Variants in DLGAP1 observed in about 807,000 individuals in gnomAD.
The protein encoded by DLGAP1 is DLG associated protein 1.
A neutral mutation model predicts 90.8 loss-of-function variants in DLGAP1; 11 were observed. That is an observed-to-expected ratio of 0.12 (90% CI 0.08 to 0.20). The LOEUF is 0.20. Ranked by LOEUF, DLGAP1 falls within the 10% of genes least tolerant of loss-of-function variation. DLGAP1 has a pLI of 1.00. For synonymous variants in DLGAP1, 558 were observed against 540.7 expected, an observed-to-expected ratio of 1.03 and a Z score of -0.44; for missense variants, 1,050 against 1,333.8, an observed-to-expected ratio of 0.79 and a Z score of 3.31.
intron 4 of DLGAP1, chr18:3,878,417 T>A (rs1363210390): frequency 6.6e-6 from 1 of 152,142 alleles, no homozygotes; most frequent in Non-Finnish European, 1.5e-5. Flanking sequence ...TGTAAGTGTG[T>A]GGGATTTACA....
intron 1 of DLGAP1, among the ~76,000 whole-genome samples, chr18:4,329,848 T>C (rs1428929622): frequency 1.3e-5 from 2 of 152,048 alleles, no homozygotes; most frequent in Admixed American, 1.3e-4. Context: ...TCTTTTGTTA[T>C]AATGTCTTTG....
At chr18:3,588,509 C>A (rs1183883970) in intron 7 of DLGAP1, among the ~76,000 whole-genome samples, 1 of 151,398 alleles carries the variant, frequency 6.6e-6, no homozygotes, top group South Asian at 2.1e-4. Context: ...CGGCAGAGTG[C>A]GGTGGCTCGC....
At chr18:3,522,223 G>A (rs377161021) in intron 10 of DLGAP1, among the ~76,000 whole-genome samples, 27 of 135,388 alleles carry the variant, frequency 2.0e-4, no homozygotes, top group East Asian at 9.9e-4. Context: ...TGCAACCTCC[G>A]CCTCCCGGAT....
At chr18:3,891,504 C>T (rs892628279) in intron 3 of DLGAP1, among the ~76,000 whole-genome samples, 1 of 152,192 alleles carries the variant, frequency 6.6e-6, no homozygotes, top group Non-Finnish European at 1.5e-5. Flanking sequence ...TCTGTTCCAG[C>T]TGCCCTAAGC....
At chr18:4,121,795 G>A (rs995371225) in intron 2 of DLGAP1, among the ~76,000 whole-genome samples, 1 of 152,138 alleles carries the variant, frequency 6.6e-6, no homozygotes, top group Non-Finnish European at 1.5e-5. Flanking sequence ...GCTTTAACAA[G>A]TACCATTGAA....
chr18:3,745,537 G>A (rs915839755), intron 5 of DLGAP1, among the ~76,000 whole-genome samples: 1 of 152,164 alleles, frequency 6.6e-6, no homozygotes, highest in Non-Finnish European at 1.5e-5. Context: ...TGGTAGTAGA[G>A]AGGAAGAGAT....
intron 1 of DLGAP1, among the ~76,000 whole-genome samples, chr18:4,349,509 C>T (rs183352646): frequency 6.6e-5 from 10 of 150,990 alleles, no homozygotes; most frequent in Non-Finnish European, 8.9e-5. Flanking sequence ...AATAGGAGAA[C>T]GGGGAGATGT....
chr18:3,767,790 T>C (rs1011996190), intron 5 of DLGAP1, among the ~76,000 whole-genome samples: 13 of 152,018 alleles, frequency 8.6e-5, no homozygotes, highest in African/African-American at 2.9e-4. Context: ...ATAAGGAACA[T>C]CTAAAAAGAT....
chr18:4,134,406 C>T lies in DLGAP1; in HGVS notation c.-159+16774G>A, dbSNP rs182941480. 2.5e-3 allele frequency among the ~76,000 whole-genome samples: 376 copies of T among 152,148 alleles called. 1 individual carries two copies. Among genetic ancestry groups the T allele is most frequent in the African/African-American group, 8.5e-3 (354 of 41,498 alleles). On this transcript the variant is annotated intron_variant, in intron 2 of 12. Transcript: ENST00000315677. The stretch of plus-strand genomic sequence containing the variant: ...ACTTTAGGTCTCCAGTTTACCTGCA[C>T]CTTCCCCTATATTCAAACTAGGCAG...
Position 4,204,531 on chromosome 18 carries a change from T to TTTTTG in DLGAP1, c.-266-53245_-266-53244insCAAAA, listed in dbSNP as rs1568449441. 4.8e-4 allele frequency among the ~76,000 whole-genome samples: 72 copies of TTTTTG among 151,066 alleles called. 1 individual carries two copies. Among genetic ancestry groups the TTTTTG allele is most frequent in the African/African-American group, 1.7e-3 (68 of 40,752 alleles). On this transcript the variant is annotated intron_variant, in intron 1 of 12. Transcript: ENST00000315677. ...TGGTTTTTTTTTTGTTTTTGTTTTT[T>TTTTTG]TTTCTGACCGCAGTGCATCACATTA...
At chr18:3,704,628 C>T (rs237061) in intron 7 of DLGAP1, among the ~76,000 whole-genome samples, 205 of 151,420 alleles carry the variant, frequency 1.4e-3, no homozygotes, top group African/African-American at 4.7e-3. Flanking sequence ...GAGAAATGGT[C>T]ATTTTGGGGG....
At chr18:3,939,160 T>C (rs994447264) in intron 3 of DLGAP1, among the ~76,000 whole-genome samples, 2 of 112,450 alleles carry the variant, frequency 1.8e-5, no homozygotes, top group African/African-American at 7.7e-5. Context: ...TGGTGGCTCA[T>C]GCCTGCAATC....
At chr18:4,016,052 A>C (rs1383549726) in intron 2 of DLGAP1, among the ~76,000 whole-genome samples, 1 of 152,228 alleles carries the variant, frequency 6.6e-6, no homozygotes, top group African/African-American at 2.4e-5. Flanking sequence ...CTGAAGAGTA[A>C]TGAACACATG....
chr18:4,117,358 T>C (rs912887650), intron 2 of DLGAP1, among the ~76,000 whole-genome samples: 3 of 152,374 alleles, frequency 2.0e-5, no homozygotes, highest in Middle Eastern at 6.8e-3. Flanking sequence ...AATTGTTTCA[T>C]TGAAAACTGG....
At chr18:4,380,858 A>T (rs534332325) in intron 1 of DLGAP1, among the ~76,000 whole-genome samples, 1 of 152,196 alleles carries the variant, frequency 6.6e-6, no homozygotes, top group Non-Finnish European at 1.5e-5. Flanking sequence ...ATGTTCCAGA[A>T]GGCAGCTTAA....
chr18:4,325,050 T>C (rs2080785642), intron 1 of DLGAP1, among the ~76,000 whole-genome samples: 2 of 151,986 alleles, frequency 1.3e-5, no homozygotes, highest in African/African-American at 4.8e-5. Flanking sequence ...GAAATCCAAA[T>C]AGGAAGAGAG....
intron 1 of DLGAP1, among the ~76,000 whole-genome samples, chr18:4,284,802 C>G (rs908932317): frequency 6.6e-6 from 1 of 152,122 alleles, no homozygotes; most frequent in African/African-American, 2.4e-5. Flanking sequence ...TCAAAAGAAG[C>G]TAATAAAATA....
intron 3 of DLGAP1, among the ~76,000 whole-genome samples, chr18:3,991,478 CTTGGGG>C (rs1339095499): frequency 6.6e-6 from 1 of 152,124 alleles, no homozygotes; most frequent in Non-Finnish European, 1.5e-5. Context: ...TGGTGGGAAC[CTTGGGG>C]TTAGCATCCT....
intron 10 of DLGAP1, among the ~76,000 whole-genome samples, chr18:3,524,134 G>C (rs2144248844): frequency 6.6e-6 from 1 of 152,136 alleles, no homozygotes; most frequent in Admixed American, 6.5e-5. Flanking sequence ...AATTAGTTGG[G>C]TCTGATGGCA....
Sources: gnomAD v4.1 joint callset for allele counts (sites outside exome capture counted in the v4.1 genomes callset) on GRCh38, gnomAD v4.1.1 for gene constraint, MANE v1.5 for transcripts, NCBI Gene and HGNC (gene_info 2026-07-23, HGNC 2026-07-21) for gene names.